Variants in BANK1 observed in about 807,000 individuals in gnomAD.
BANK1 encodes B-cell scaffold protein with ankyrin repeats.
In BANK1, 95 loss-of-function variants were observed where a neutral mutation model predicts 94.5. The ratio of observed to expected loss-of-function variants is 1.00; its 90% CI spans 0.85 to 1.19. The LOEUF (loss-of-function observed/expected upper bound fraction) is 1.19. Among genes scored for constraint, BANK1 ranks in the 50% most tolerant of loss-of-function variants. The probability of loss-of-function intolerance (pLI) is 0.00; values close to 1 mark genes in which losing one functional copy is unlikely to be tolerated. For synonymous variants in BANK1, 334 were observed against 308.4 expected (o/e 1.08, Z -0.87); for missense variants, 987 against 932.2 (o/e 1.06, Z -0.77).
chr4:102,062,916 A>AGAT lies in BANK1; in HGVS notation c.2149-158_2149-156dup, dbSNP rs1728466500. ...TTCATTAAGCTGTGAGAATTAAGTAAGATAACGTGGAAAGTATCAAGGATG... is the reference window on the plus strand; with the variant it reads ...TTCATTAAGCTGTGAGAATTAAGTAAGATGATAACGTGGAAAGTATCAAGGATG... On this transcript the variant is annotated intron_variant, in intron 12 of 16. Coordinates refer to ENST00000322953, the MANE Select transcript of BANK1 (RefSeq NM_017935.5). 6.7e-6 allele frequency: 4 copies of AGAT among 592,680 alleles called. No individual in the cohort carries two copies. In the Admixed American group the frequency reaches 1.2e-4, roughly 18 times the overall value. The allele number at this position is 592,680 out of a possible 1,614,324, so 36.7% of individuals were successfully genotyped here. A position where few individuals can be genotyped will look rare whatever the true frequency, so the allele number is the denominator to read the frequency against.
At chr4:101,946,085 T>C (rs959147046) in intron 7 of BANK1, among the ~76,000 whole-genome samples, 1 of 152,006 alleles carries the variant, frequency 6.6e-6, no homozygotes, top group Admixed American at 6.6e-5. Flanking sequence ...TTTTGGATTA[T>C]TAACTTTGGA....
At position 101,870,619 on chromosome 4, in the gene BANK1, C is replaced by T. The variant is rs1230787600; in HGVS notation, c.878C>T (p.Ala293Val). The change falls in exon 5 of 17, where the codon GCA (alanine) becomes GTA (valine). Residue 293 changes from alanine to valine, a missense_variant. Coordinates refer to ENST00000322953, the MANE Select transcript of BANK1 (RefSeq NM_017935.5). ...AKAKECLFRM[A>V]DSGESLCQNS... ...GCAAAGGAATGCCTATTCAGAATGG[C>T]AGATTCAGGAGAGAGTTTGTGCCAG... 1.2e-6 allele frequency: 2 copies of T among 1,611,448 alleles called. No homozygotes were observed. Among genetic ancestry groups the T allele is most frequent in the African/African-American group, 2.7e-5 (2 of 74,744 alleles).
intron 4 of BANK1, among the ~76,000 whole-genome samples, chr4:101,867,765 T>A (rs368475836): frequency 2.0e-5 from 3 of 147,582 alleles, no homozygotes; most frequent in African/African-American, 4.9e-5. Context: ...AAAAAATAAA[T>A]ATAAATAAAT....
intron 10 of BANK1, among the ~76,000 whole-genome samples, 166 bp from the exon 11 acceptor site, chr4:102,043,673 A>G (rs1311956676): frequency 6.6e-6 from 1 of 152,082 alleles, no homozygotes; most frequent in Non-Finnish European, 1.5e-5. Flanking sequence ...AGCTGCACAA[A>G]TGAGAAAATT....
rs541072851 is a variant in BANK1, at chr4:102,003,694, T to C, written c.1207-17820T>C. Among the ~76,000 whole-genome samples the C allele has an allele frequency of 2.2e-4, 34 of 152,180 alleles. No individual in the cohort carries two copies. The South Asian group carries it at 6.9e-3, about 31-fold the overall frequency. ...TTCTCAAGGAGAGAGAACATAAATA[T>C]TTGCTATTGGTGGGAAGTAGCAAGG... On this transcript the variant is annotated intron_variant, in intron 7 of 16. Transcript: ENST00000322953.
intron 7 of BANK1, among the ~76,000 whole-genome samples, chr4:101,942,812 A>T (rs1578411864): frequency 6.6e-6 from 1 of 151,964 alleles, no homozygotes; most frequent in East Asian, 1.9e-4. Flanking sequence ...ATTAAAAATA[A>T]AATGTTTAAT....
At chr4:101,903,627 C>T (rs1299393374) in intron 6 of BANK1, among the ~76,000 whole-genome samples, 1 of 152,132 alleles carries the variant, frequency 6.6e-6, no homozygotes, top group Non-Finnish European at 1.5e-5. Flanking sequence ...GCCTCAGCCT[C>T]CTTTGTGAAT....
Position 101,911,896 on chromosome 4 carries a change from G to T in BANK1, c.1010-6097G>T, listed in dbSNP as rs1232547429. 3.3e-5 allele frequency among the ~76,000 whole-genome samples: 5 copies of T among 152,002 alleles called. No homozygotes were observed. The East Asian group carries it at 9.6e-4, about 29-fold the overall frequency. On this transcript the variant is annotated intron_variant, in intron 6 of 16. Transcript: ENST00000322953. ...AACACACAAATTGTAGGTTTTTCAG[G>T]GTCAACAGTAATAAGCATCTATAAT... is the stretch of plus-strand genomic sequence containing the variant.
At chr4:101,890,719 A>AT (rs139113467) in intron 5 of BANK1, among the ~76,000 whole-genome samples, 13 of 140,172 alleles carry the variant, frequency 9.3e-5, no homozygotes, top group Admixed American at 1.4e-4. Context: ...TTCATTTGTT[A>AT]TTTTTTTTTT....
intron 7 of BANK1, among the ~76,000 whole-genome samples, chr4:101,942,916 G>A (rs1723803108): frequency 6.6e-6 from 1 of 151,864 alleles, no homozygotes; most frequent in South Asian, 2.1e-4. Flanking sequence ...TGCCTTGAAT[G>A]ACATGATAAT....
intron 9 of BANK1, among the ~76,000 whole-genome samples, chr4:102,026,325 ATT>A: frequency 6.6e-6 from 1 of 152,088 alleles, no homozygotes; most frequent in South Asian, 2.1e-4. Context: ...CCAAATTTAT[ATT>A]TATTTTCCAA....
chr4:102,073,774 T>G, intron 16 of BANK1, 26 bp downstream of exon 16: 4 of 1,567,812 alleles, frequency 2.6e-6, no homozygotes, highest in Non-Finnish European at 3.5e-6. Context: ...TGTATATTTT[T>G]TAGAAAATCT....
intron 1 of BANK1, among the ~76,000 whole-genome samples, chr4:101,797,176 C>A (rs1002481993): frequency 6.6e-6 from 1 of 152,060 alleles, no homozygotes; most frequent in Non-Finnish European, 1.5e-5. Context: ...TCTTGCTAAA[C>A]TTCAGTGACA....
At chr4:101,997,758 A>T (rs1393275622) in intron 7 of BANK1, among the ~76,000 whole-genome samples, 2 of 152,028 alleles carry the variant, frequency 1.3e-5, no homozygotes, top group African/African-American at 4.8e-5. Flanking sequence ...CTGTGGGATC[A>T]GTGGTAATAT....
At chr4:101,902,797 A>G (rs1429624500) in intron 6 of BANK1, among the ~76,000 whole-genome samples, 3 of 152,258 alleles carry the variant, frequency 2.0e-5, no homozygotes, top group African/African-American at 4.8e-5. Flanking sequence ...TAGATATTGC[A>G]TTAGCAACTA....
At chr4:102,007,099 T>TA (rs1553940657) in intron 7 of BANK1, among the ~76,000 whole-genome samples, 1 of 70,546 alleles carries the variant, frequency 1.4e-5, no homozygotes, top group African/African-American at 4.6e-5. Flanking sequence ...TATAATATAT[T>TA]TATATATATA....
intron 1 of BANK1, among the ~76,000 whole-genome samples, chr4:101,828,443 T>C (rs1726454236): frequency 6.6e-6 from 1 of 150,674 alleles, no homozygotes; most frequent in Non-Finnish European, 1.5e-5. Flanking sequence ...GATCAAGATA[T>C]AGACCATATC....
chr4:101,815,952 A>G (rs1725898525), intron 1 of BANK1, among the ~76,000 whole-genome samples: 1 of 152,206 alleles, frequency 6.6e-6, no homozygotes, highest in Non-Finnish European at 1.5e-5. Context: ...ATGTATTCAA[A>G]ATATCTACCC....
chr4:102,070,183 C>T (rs1334884108), intron 13 of BANK1, among the ~76,000 whole-genome samples: 1 of 152,120 alleles, frequency 6.6e-6, no homozygotes, highest in East Asian at 1.9e-4. Flanking sequence ...TTGAAAGAGA[C>T]CCAAGCAGGC....
Sources: allele counts gnomAD v4.1 joint callset (sites outside exome capture counted in the v4.1 genomes callset), GRCh38; gene constraint gnomAD v4.1.1; transcripts MANE v1.5; gene names NCBI Gene and HGNC (gene_info 2026-07-23, HGNC 2026-07-21).